ADAMTSL2: variants seen among roughly 807,000 people sequenced by gnomAD.
ADAMTSL2 encodes the protein ADAMTS-like protein 2.
A neutral mutation model predicts 117.0 loss-of-function variants in ADAMTSL2; 55 were observed. The ratio of observed to expected loss-of-function variants is 0.47; its 90% CI spans 0.38 to 0.59. ADAMTSL2 has a LOEUF of 0.59. Ranked by LOEUF, ADAMTSL2 falls within the 20% of genes least tolerant of loss-of-function variation. The pLI is 0.00. For synonymous variants in ADAMTSL2, 572 were observed against 566.4 expected, an observed-to-expected ratio of 1.01 and a Z score of -0.14; for missense variants, 1,182 against 1,354.5, an observed-to-expected ratio of 0.87 and a Z score of 2.00.
chr9:133,537,413 C>T lies in ADAMTSL2; in HGVS notation c.99C>T (p.Ser33=), dbSNP rs774078121. Reference sequence around the variant, plus strand: ...GGGTCCCTCTCACCCAGGACAACAGCCCAACATCCAATAGCCTGGAGGGGG... The same window carrying T: ...GGGTCCCTCTCACCCAGGACAACAGTCCAACATCCAATAGCCTGGAGGGGG... The part of the protein sequence containing the change: ...DTVSTGSTDN[S]PTSNSLEGGT... The change falls in exon 3 of 19, where the codon AGC becomes AGT. Residue 33 remains serine, a synonymous_variant. Coordinates refer to ENST00000651351, the MANE Select transcript of ADAMTSL2 (RefSeq NM_014694.4). 1.5e-6 allele frequency: 2 copies of T among 1,342,248 alleles called. No homozygotes were observed. The highest frequency in any genetic ancestry group is 2.8e-5 in the East Asian group (1 of 35,980). The allele number at this position is 1,342,248 out of a possible 1,614,324, so 83.1% of individuals were successfully genotyped here.
rs1274781224 is a variant in ADAMTSL2 at position 133,568,513 on chromosome 9, G to T, written c.2088+27G>T. 4 of 1,583,860 alleles carry T rather than the reference G, an allele frequency of 2.5e-6. No homozygotes were observed. In the Admixed American group the frequency reaches 7.3e-5, roughly 29 times the overall value. On this transcript the variant is annotated intron_variant, in intron 14 of 18. Coordinates refer to ENST00000651351, the MANE Select transcript of ADAMTSL2 (RefSeq NM_014694.4). ...TGAGTGCCTGCGGGAGCAAGCCGGG[G>T]GTCGGGAAGAGCTGGGGAGCTGGGC...
At chr9:133,540,446 C>A in intron 5 of ADAMTSL2, 152 bp from the exon 6 acceptor site, 2 of 1,085,900 alleles carry the variant, frequency 1.8e-6, no homozygotes, top group South Asian at 2.7e-5. Flanking sequence ...CAGTTTCTGC[C>A]ACTGAGACCT....
chr9:133,533,334 C>G (rs1002554093), upstream of ADAMTSL2, among the ~76,000 whole-genome samples: 1 of 152,126 alleles, frequency 6.6e-6, no homozygotes, highest in African/African-American at 2.4e-5. Flanking sequence ...ACCTTGCATC[C>G]CAGTTGCCCC....
At chr9:133,574,056 G>T (rs1316276949) in intron 18 of ADAMTSL2, 69 bp downstream of exon 18, 1 of 1,544,804 alleles carries the variant, frequency 6.5e-7, no homozygotes, top group African/African-American at 1.4e-5. Context: ...GTCAGGGCCT[G>T]AGGGGTGAGC....
chr9:133,567,943 T>G (rs946004147), intron 13 of ADAMTSL2, among the ~76,000 whole-genome samples: 13 of 152,220 alleles, frequency 8.5e-5, no homozygotes, highest in Admixed American at 3.3e-4. Context: ...GAAATGTGCC[T>G]TCTGCTCACT....
chr9:133,544,106 G>T (rs912339068), intron 7 of ADAMTSL2, among the ~76,000 whole-genome samples: 1 of 152,256 alleles, frequency 6.6e-6, no homozygotes, highest in Non-Finnish European at 1.5e-5. Flanking sequence ...GACAATGCAC[G>T]CAGGGAGCTG....
In ADAMTSL2 at chr9:133,536,812, G is replaced by A. The variant is rs1208399504; in HGVS notation, c.90+10G>A. On this transcript the variant is annotated intron_variant, in intron 2 of 18. Transcript: ENST00000651351. Reference sequence around the variant, plus strand: ...GTCAACCGGGTCCACGGTGAGTGGGGTGTTGTGGTCTGAGGGCCCATGCCA... The same window carrying A: ...GTCAACCGGGTCCACGGTGAGTGGGATGTTGTGGTCTGAGGGCCCATGCCA... 12 of 1,614,156 alleles carry A rather than the reference G, an allele frequency of 7.4e-6. No individual in the cohort carries two copies. The highest frequency in any genetic ancestry group is 1.0e-5 in the Non-Finnish European group (12 of 1,180,036).
chr9:133,557,332 T>C lies in ADAMTSL2; in HGVS notation c.1649+1402T>C, dbSNP rs796213770. On this transcript the variant is annotated intron_variant, in intron 11 of 18. Coordinates refer to ENST00000651351, the MANE Select transcript of ADAMTSL2 (RefSeq NM_014694.4). The surrounding 1 kb of genome is among the most constrained non-coding windows in gnomAD (Gnocchi z 5.2). ...TGTCCTGAGCACTTCTGGCAGGCTCTGGGCGGAATCCTACTTTGCAGATGT... is the reference window on the plus strand; with the variant it reads ...TGTCCTGAGCACTTCTGGCAGGCTCCGGGCGGAATCCTACTTTGCAGATGT... Among the ~76,000 whole-genome samples, 4 of 152,322 alleles carry C rather than the reference T, an allele frequency of 2.6e-5. No individual in the cohort carries two copies. The highest frequency in any genetic ancestry group is 9.6e-5 in the African/African-American group (4 of 41,582).
At chr9:133,561,751 G>A (rs1830733750) in intron 12 of ADAMTSL2, among the ~76,000 whole-genome samples, 3 of 152,186 alleles carry the variant, frequency 2.0e-5, no homozygotes, top group African/African-American at 2.4e-5. Context: ...GAAGTTAGGA[G>A]GGGAAAAAAG....
At chr9:133,546,969 T>G in intron 8 of ADAMTSL2, 69 bp from the exon 9 acceptor site, 2 of 1,519,698 alleles carry the variant, frequency 1.3e-6, no homozygotes, top group Non-Finnish European at 1.8e-6. Flanking sequence ...GGTGGTTCCC[T>G]GAGTTGGTGA....
At position 133,568,351 on chromosome 9, in the gene ADAMTSL2, G is replaced by A; in HGVS notation, c.1953G>A (p.Lys651=). ...AGTTCCGCGTCGTGCGCTGCTGGAA[G>A]ATGCTCTCGCCCGGCTTCGACAGCT... is the stretch of plus-strand genomic sequence containing the variant. ...GYQFRVVRCW[K]MLSPGFDSSV... is the part of the protein sequence containing the mutation. Residue 651 remains lysine, a synonymous_variant, in exon 14 of 19, where the codon AAG becomes AAA. Transcript: ENST00000651351. 1 of 1,593,616 alleles carries A rather than the reference G, an allele frequency of 6.3e-7. No individual in the cohort carries two copies. The highest frequency in any genetic ancestry group is 8.5e-7 in the Non-Finnish European group (1 of 1,170,890).
At position 133,554,896 on chromosome 9, in the gene ADAMTSL2, G is replaced by A. The variant is rs781523067; in HGVS notation, c.1276+203G>A. Among the ~76,000 whole-genome samples, 2 of 152,216 alleles carry A rather than the reference G, an allele frequency of 1.3e-5. No individual in the cohort carries two copies. Among genetic ancestry groups the A allele is most frequent in the Non-Finnish European group, 2.9e-5 (2 of 68,038 alleles). On this transcript the variant is annotated intron_variant, in intron 10 of 18. Coordinates refer to ENST00000651351, the MANE Select transcript of ADAMTSL2 (RefSeq NM_014694.4). This position sits in a 1 kb window ranked among gnomAD's most constrained non-coding sequence, Gnocchi z 5.2. ...TGTCCATGCATTCTTTGAGGTAGAT[G>A]TGGTTATCCCCATTTGATGGATGGG...
intron 9 of ADAMTSL2, among the ~76,000 whole-genome samples, chr9:133,549,836 GT>G (rs1830442253): frequency 6.6e-6 from 1 of 152,180 alleles, no homozygotes; most frequent in Non-Finnish European, 1.5e-5. Context: ...GGGTGGAAAC[GT>G]TCCCCATGTG....
In ADAMTSL2 at chr9:133,545,042, C is replaced by G. The variant is rs184445706; in HGVS notation, c.763+492C>G. On this transcript the variant is annotated intron_variant, in intron 8 of 18. Transcript: ENST00000651351. ...GAGGCTGGGCTGTAGGAGGGGAGTC[C>G]TCTAACCTGAGTATTCTGGAGTTGT... Among the ~76,000 whole-genome samples, 22 of 152,250 alleles carry G rather than the reference C, an allele frequency of 1.4e-4. 2 individuals carry two copies. In the East Asian group the frequency reaches 4.3e-3, roughly 29 times the overall value.
At chr9:133,565,839 CCACACACACA>C (rs71281253) in intron 12 of ADAMTSL2, among the ~76,000 whole-genome samples, 39 of 144,048 alleles carry the variant, frequency 2.7e-4, no homozygotes, top group Admixed American at 9.6e-4. Flanking sequence ...TCTCCCGTGG[CCACACACACA>C]CACACACACA....
intron 12 of ADAMTSL2, among the ~76,000 whole-genome samples, chr9:133,563,427 G>A (rs973063593): frequency 1.3e-5 from 2 of 151,668 alleles, no homozygotes; most frequent in South Asian, 2.1e-4. Context: ...GCGTGTGGGC[G>A]TTGTCAGTAA....
At chr9:133,537,296 C>A in intron 2 of ADAMTSL2, 109 bp from the exon 3 acceptor site, 1 of 1,198,948 alleles carries the variant, frequency 8.3e-7, no homozygotes. Flanking sequence ...AGCCAGGGGG[C>A]TGTGTCTTCT....
At chr9:133,559,493 G>A (rs1250035753) in intron 11 of ADAMTSL2, among the ~76,000 whole-genome samples, 9 of 150,638 alleles carry the variant, frequency 6.0e-5, no homozygotes, top group South Asian at 2.1e-4. Flanking sequence ...ACAGGCGCCC[G>A]CCACCACACC....
intron 11 of ADAMTSL2, 93 bp downstream of exon 11, chr9:133,556,023 T>C (rs1830598487): frequency 6.6e-7 from 1 of 1,504,262 alleles, no homozygotes; most frequent in African/African-American, 1.4e-5. Flanking sequence ...TGGGGGGGTC[T>C]GGCCAGAAGG....
Sources: allele counts gnomAD v4.1 joint callset (sites outside exome capture counted in the v4.1 genomes callset), GRCh38; gene constraint gnomAD v4.1.1; non-coding constraint Gnocchi (gnomAD v3.1); transcripts MANE v1.5; gene names NCBI Gene and HGNC (gene_info 2026-07-23, HGNC 2026-07-21).